Variants in REST observed in about 807,000 individuals in gnomAD.
The protein encoded by REST is RE1 silencing transcription factor, also known as RE1-silencing transcription factor.
REST carries 1 observed loss-of-function variant against 30.4 expected under a neutral mutation model. That is an observed-to-expected ratio of 0.03 (90% CI 0.01 to 0.16). The LOEUF (loss-of-function observed/expected upper bound fraction) is 0.16, where lower values mean the gene tolerates loss of function less well. Ranked by LOEUF, REST falls within the 10% of genes least tolerant of loss-of-function variation. The probability of loss-of-function intolerance (pLI) is 1.00; values close to 1 mark genes in which losing one functional copy is unlikely to be tolerated. For synonymous variants in REST, 504 were observed against 451.1 expected, an observed-to-expected ratio of 1.12 and a Z score of -1.49; for missense variants, 1,259 against 1,329.5, an observed-to-expected ratio of 0.95 and a Z score of 0.82.
At position 56,933,735 on chromosome 4, in the gene REST, A is replaced by G. The variant is rs150493651; in HGVS notation, c.*1583A>G. On this transcript the variant is annotated 3_prime_UTR_variant, in exon 4 of 4. Coordinates refer to ENST00000309042, the MANE Select transcript of REST (RefSeq NM_005612.5). ...TTGCCAAAGAGTGTGAAAGAATCCA[A>G]TAGAGGATTTTTCTTACTGATAGCA... The G allele has an allele frequency of 4.0e-4, 61 of 152,284 alleles. No individual in the cohort carries two copies. The highest frequency in any genetic ancestry group is 1.4e-3 in the African/African-American group (60 of 41,576). 9.4% of individuals were successfully genotyped at this position (152,284 alleles called of 1,614,324 possible).
intron 3 of REST, among the ~76,000 whole-genome samples, chr4:56,920,188 A>G (rs1051096739): frequency 6.6e-6 from 1 of 151,798 alleles, no homozygotes; most frequent in East Asian, 1.9e-4. Context: ...TTTAACCCCT[A>G]CTTCTCATAT....
At chr4:56,915,766 C>T (rs910580942) in intron 2 of REST, among the ~76,000 whole-genome samples, 3 of 152,114 alleles carry the variant, frequency 2.0e-5, no homozygotes, top group Non-Finnish European at 4.4e-5. Flanking sequence ...TAGTAAGTAG[C>T]CCAGTTTTCT....
At chr4:56,926,890 A>G (rs1353205285) in intron 3 of REST, among the ~76,000 whole-genome samples, 1 of 151,944 alleles carries the variant, frequency 6.6e-6, no homozygotes, top group African/African-American at 2.4e-5. Flanking sequence ...TGAGATCAGG[A>G]GTTCGAGACC....
At chr4:56,915,205 C>T (rs991260892) in intron 2 of REST, among the ~76,000 whole-genome samples, 1 of 150,264 alleles carries the variant, frequency 6.7e-6, no homozygotes, top group East Asian at 2.0e-4. Context: ...CGTGAGCCAC[C>T]ACGCCTGGCC....
intron 2 of REST, among the ~76,000 whole-genome samples, chr4:56,914,744 T>C (rs1464451306): frequency 6.6e-6 from 1 of 151,864 alleles, no homozygotes; most frequent in Non-Finnish European, 1.5e-5. Context: ...AGTAGAGATG[T>C]GGTTTCACCG....
intron 2 of REST, among the ~76,000 whole-genome samples, chr4:56,919,509 A>G (rs951861697): frequency 2.0e-5 from 3 of 152,226 alleles, no homozygotes; most frequent in Admixed American, 1.3e-4. Flanking sequence ...TACTTAATGT[A>G]TTAACATGCA....
chr4:56,927,774 T>TATTTGTGTGCC lies in REST; in HGVS notation c.983-2065_983-2055dup, dbSNP rs1720778631. On this transcript the variant is annotated intron_variant, in intron 3 of 3. Coordinates refer to ENST00000309042, the MANE Select transcript of REST (RefSeq NM_005612.5). ...CTTTGCTTATTTTACATACCATATCTATTTGTGTGCCACTTCTCATTACCT... is the reference window on the plus strand; with the variant it reads ...CTTTGCTTATTTTACATACCATATCTATTTGTGTGCCATTTGTGTGCCACTTCTCATTACCT... The TATTTGTGTGCC allele has an allele frequency of 1.1e-5, 3 of 270,340 alleles. No homozygotes were observed. In the South Asian group the frequency reaches 1.3e-4, roughly 12 times the overall value. 16.7% of individuals were successfully genotyped at this position (270,340 alleles called of 1,614,324 possible).
At chr4:56,912,566 G>A (rs1457506238) in intron 2 of REST, among the ~76,000 whole-genome samples, 9 of 151,954 alleles carry the variant, frequency 5.9e-5, no homozygotes, top group African/African-American at 2.2e-4. Context: ...CGAGGCTGGA[G>A]TGCAGTGGCA....
intron 2 of REST, among the ~76,000 whole-genome samples, chr4:56,915,240 ATTTTT>A (rs1193678055): frequency 5.4e-5 from 3 of 55,518 alleles, no homozygotes; most frequent in South Asian, 6.7e-4. Flanking sequence ...GTGTGTGTGT[ATTTTT>A]TTTTTTTTTT....
chr4:56,924,978 C>G (rs1720620016), intron 3 of REST, among the ~76,000 whole-genome samples: 2 of 152,032 alleles, frequency 1.3e-5, no homozygotes, highest in South Asian at 4.2e-4. Context: ...CCAGGCTGGC[C>G]AACATGGTGG....
rs1204848384 is a variant in REST at position 56,933,203 on chromosome 4, G to T, written c.*1051G>T. The T allele has an allele frequency of 1.3e-5, 2 of 148,902 alleles. No homozygotes were observed. Among genetic ancestry groups the T allele is most frequent in the Non-Finnish European group, 1.5e-5 (1 of 67,040 alleles). 9.2% of individuals were successfully genotyped at this position (148,902 alleles called of 1,614,324 possible). A position where few individuals can be genotyped will look rare whatever the true frequency, so the allele number is the denominator to read the frequency against. On this transcript the variant is annotated 3_prime_UTR_variant, in exon 4 of 4. Coordinates refer to ENST00000309042, the MANE Select transcript of REST (RefSeq NM_005612.5). ...TTTTTATCTCAAATACCAACCATCA[G>T]TTTTTTTTTTCATGTGTTTTGGTAC...
intron 2 of REST, among the ~76,000 whole-genome samples, chr4:56,918,282 A>G (rs1000710062): frequency 6.6e-6 from 1 of 151,888 alleles, no homozygotes; most frequent in Admixed American, 6.6e-5. Context: ...GCTTGAGCCC[A>G]GAAGTTCGAG....
chr4:56,912,537 C>T (rs1450882848), intron 2 of REST, among the ~76,000 whole-genome samples: 3 of 149,534 alleles, frequency 2.0e-5, no homozygotes, highest in Admixed American at 6.7e-5. Context: ...TTTTTTGAGA[C>T]GGAGTCTGGC....
At position 56,930,887 on chromosome 4, in the gene REST, G is replaced by C. The variant is rs961944647; in HGVS notation, c.2029G>C (p.Gly677Arg). 6.2e-7 allele frequency: 1 copy of C among 1,613,766 alleles called. No homozygotes were observed. The highest frequency in any genetic ancestry group is 8.5e-7 in the Non-Finnish European group (1 of 1,179,972). Residue 677 changes from glycine (G) to arginine (R), a missense_variant, in exon 4 of 4, where the codon GGT becomes CGT. Gly to Arg is a moderately radical substitution (Grantham distance 125, BLOSUM62 -2). Coordinates refer to ENST00000309042, the MANE Select transcript of REST (RefSeq NM_005612.5). The part of the protein sequence containing the change: ...LPPVEPAQMV[G>R]AQIVLAHMEL... ...TCCCGTGGAGCCTGCTCAGATGGTGGGTGCCCAAATTGTACTTGCTCACAT... is the reference window on the plus strand; with the variant it reads ...TCCCGTGGAGCCTGCTCAGATGGTGCGTGCCCAAATTGTACTTGCTCACAT...
rs1721002439 is a variant in REST, at chr4:56,932,218, A to G, written c.*66A>G. 6.8e-7 allele frequency: 1 copy of G among 1,477,872 alleles called. No individual in the cohort carries two copies. Among genetic ancestry groups the G allele is most frequent in the African/African-American group, 1.4e-5 (1 of 71,052 alleles). 91.5% of individuals were successfully genotyped at this position (1,477,872 alleles called of 1,614,324 possible). A position where few individuals can be genotyped will look rare whatever the true frequency, so the allele number is the denominator to read the frequency against. ...ATATTACATTTTATATTCATTTATG[A>G]TAGCAGACAACCTTTTAAGATTGCT... On this transcript the variant is annotated 3_prime_UTR_variant, in exon 4 of 4. Transcript: ENST00000309042.
At chr4:56,910,009 T>G (rs931991770) in intron 1 of REST, among the ~76,000 whole-genome samples, 24 of 152,350 alleles carry the variant, frequency 1.6e-4, no homozygotes, top group African/African-American at 5.5e-4. Flanking sequence ...CATAAATGTT[T>G]TTTCTTTTAA....
chr4:56,922,226 T>C (rs1720483731), intron 3 of REST: 2 of 151,626 alleles, frequency 1.3e-5, no homozygotes, highest in South Asian at 4.2e-4. Context: ...GTAAGCATCA[T>C]GTCCTGTTGA....
At chr4:56,924,636 C>G (rs1164657705) in intron 3 of REST, among the ~76,000 whole-genome samples, 1 of 148,162 alleles carries the variant, frequency 6.7e-6, no homozygotes, top group African/African-American at 2.5e-5. Context: ...TTTTTTCTTT[C>G]TTTTTTGTAG....
chr4:56,921,883 G>A (rs534221532), intron 3 of REST, among the ~76,000 whole-genome samples: 1 of 152,152 alleles, frequency 6.6e-6, no homozygotes, highest in East Asian at 1.9e-4. Flanking sequence ...TACCTTTGTG[G>A]TATGACTACT....
Sources: gnomAD v4.1 joint callset for allele counts (sites outside exome capture counted in the v4.1 genomes callset) on GRCh38, gnomAD v4.1.1 for gene constraint, MANE v1.5 for transcripts, NCBI Gene and HGNC (gene_info 2026-07-23, HGNC 2026-07-21) for gene names.